The following MIR2052HG variants were observed in gnomAD, a reference collection of about 807,000 sequenced individuals.
The protein encoded by MIR2052HG is MIR2052 host gene.
At chr8:74,658,362 C>T (rs1231687897) in intron 2 of MIR2052HG, among the ~76,000 whole-genome samples, 1 of 151,660 alleles carries the variant, frequency 6.6e-6, no homozygotes, top group Non-Finnish European at 1.5e-5. Flanking sequence ...GTCTGCTTTG[C>T]CTGCTGATGT....
chr8:74,630,030 C>T (rs551966837), intron 2 of MIR2052HG, among the ~76,000 whole-genome samples: 2 of 152,152 alleles, frequency 1.3e-5, no homozygotes, highest in Non-Finnish European at 2.9e-5. Flanking sequence ...TAATTACAGG[C>T]ACAGAAAAGA....
At chr8:74,629,868 GC>G (rs1331247506) in intron 2 of MIR2052HG, among the ~76,000 whole-genome samples, 1 of 152,132 alleles carries the variant, frequency 6.6e-6, no homozygotes, top group African/African-American at 2.4e-5. Context: ...TTCTCTCTAA[GC>G]AAAGTCCACT....
chr8:74,699,116 T>C (rs1248543814), intron 2 of MIR2052HG, among the ~76,000 whole-genome samples: 1 of 152,094 alleles, frequency 6.6e-6, no homozygotes, highest in Non-Finnish European at 1.5e-5. Flanking sequence ...TAATAGATGT[T>C]GGCATGGATG....
intron 4 of MIR2052HG, among the ~76,000 whole-genome samples, chr8:74,721,284 G>A (rs1039599401): frequency 1.3e-5 from 2 of 152,146 alleles, no homozygotes; most frequent in East Asian, 1.9e-4. Context: ...ACTCCTAGCT[G>A]CAAGGAAAGC....
At chr8:74,687,548 A>T (rs1005280782) in intron 2 of MIR2052HG, among the ~76,000 whole-genome samples, 8 of 152,154 alleles carry the variant, frequency 5.3e-5, no homozygotes, top group Admixed American at 4.6e-4. Flanking sequence ...TGACAACTGG[A>T]GAACATTATA....
chr8:74,625,326 A>C (rs1169328980), intron 2 of MIR2052HG: 1 of 152,254 alleles, frequency 6.6e-6, no homozygotes, highest in Non-Finnish European at 1.5e-5. Flanking sequence ...AGCCTCTCAA[A>C]GTGCTGGCAT....
At chr8:74,678,903 A>C (rs941693026) in intron 2 of MIR2052HG, among the ~76,000 whole-genome samples, 6 of 152,170 alleles carry the variant, frequency 3.9e-5, no homozygotes, top group Non-Finnish European at 5.9e-5. Context: ...CATGTGCTTT[A>C]AAACAATAAT....
At chr8:74,612,104 C>A (rs536350482) in intron 1 of MIR2052HG, among the ~76,000 whole-genome samples, 1 of 152,292 alleles carries the variant, frequency 6.6e-6, no homozygotes, top group East Asian at 1.9e-4. Context: ...CCCCAGTGGC[C>A]GCATGACACC....
At chr8:74,746,414 C>A (rs73341207) in intron 4 of MIR2052HG, among the ~76,000 whole-genome samples, 3,024 of 152,148 alleles carry the variant, frequency 0.02, 94 homozygotes, top group African/African-American at 0.064. Context: ...AATAGTCCAG[C>A]CCTAGACGTC....
At position 74,661,267 on chromosome 8, in the gene MIR2052HG, G is replaced by T. The variant is rs1808861811; in HGVS notation, n.217-41112G>T. ...CCCAGGCTGGTGTGCTTATGGTGCG[G>T]TCTTGACTCACTGCAACCTCCACCT... On this transcript the variant is annotated intron_variant and non_coding_transcript_variant, in intron 2 of 6. Coordinates refer to ENST00000523442, the Ensembl canonical transcript of MIR2052HG. Among the ~76,000 whole-genome samples, 3 of 151,338 alleles carry T rather than the reference G, an allele frequency of 2.0e-5. No individual in the cohort carries two copies. In the South Asian group the frequency reaches 6.3e-4, roughly 32 times the overall value.
intron 2 of MIR2052HG, among the ~76,000 whole-genome samples, chr8:74,665,071 C>T (rs1187534000): frequency 6.6e-6 from 1 of 152,194 alleles, no homozygotes; most frequent in African/African-American, 2.4e-5. Context: ...TTTTCTGACA[C>T]TCAGGATTCT....
chr8:74,674,624 A>G (rs962398038), intron 2 of MIR2052HG, among the ~76,000 whole-genome samples: 29 of 151,926 alleles, frequency 1.9e-4, no homozygotes, highest in Admixed American at 5.3e-4. Context: ...CTTCTAGTTC[A>G]TCAGTGGTAT....
chr8:74,609,533 C>G (rs1808161072), intron 1 of MIR2052HG, among the ~76,000 whole-genome samples: 1 of 151,648 alleles, frequency 6.6e-6, no homozygotes, highest in Non-Finnish European at 1.5e-5. Context: ...AAATGTGATA[C>G]AAACCTTTCT....
At chr8:74,754,539 T>A (rs558376396) in intron 5 of MIR2052HG, among the ~76,000 whole-genome samples, 1 of 152,222 alleles carries the variant, frequency 6.6e-6, no homozygotes, top group African/African-American at 2.4e-5. Context: ...TGAGAATAGG[T>A]TCTATGGAAA....
intron 2 of MIR2052HG, among the ~76,000 whole-genome samples, chr8:74,613,684 G>A (rs562828939): frequency 1.3e-5 from 2 of 152,184 alleles, no homozygotes; most frequent in African/African-American, 4.8e-5. Flanking sequence ...ACGGGGTTTT[G>A]CCATGTTGGC....
intron 4 of MIR2052HG, among the ~76,000 whole-genome samples, chr8:74,736,895 G>A (rs1809749324): frequency 6.6e-6 from 1 of 152,136 alleles, no homozygotes; most frequent in Non-Finnish European, 1.5e-5. Flanking sequence ...TTGCTCATAA[G>A]GGCACTTACA....
intron 4 of MIR2052HG, among the ~76,000 whole-genome samples, chr8:74,719,403 A>C (rs561585967): frequency 6.6e-6 from 1 of 152,328 alleles, no homozygotes; most frequent in South Asian, 2.1e-4. Context: ...GGAGTGAAGC[A>C]GACTTCCTGC....
chr8:74,644,626 C>T (rs953329189), intron 2 of MIR2052HG, among the ~76,000 whole-genome samples: 1 of 152,260 alleles, frequency 6.6e-6, no homozygotes, highest in African/African-American at 2.4e-5. Context: ...CACAGTGGCT[C>T]ACGCCTACAA....
chr8:74,728,990 T>C (rs773545908), intron 4 of MIR2052HG, among the ~76,000 whole-genome samples: 4 of 152,212 alleles, frequency 2.6e-5, no homozygotes, highest in Non-Finnish European at 4.4e-5. Context: ...TAGGAGCAGA[T>C]GTAATTCTAA....
Sources: allele counts gnomAD v4.1 joint callset (sites outside exome capture counted in the v4.1 genomes callset), GRCh38; gene constraint gnomAD v4.1.1; transcripts MANE v1.5; gene names NCBI Gene and HGNC (gene_info 2026-07-23, HGNC 2026-07-21).